The following NCOA2 variants were observed in gnomAD, a reference collection of about 807,000 sequenced individuals.
NCOA2 encodes class E basic helix-loop-helix protein 75.
A neutral mutation model predicts 145.1 loss-of-function variants in NCOA2; 21 were observed. The ratio of observed to expected loss-of-function variants is 0.14; its 90% confidence interval spans 0.10 to 0.21. The LOEUF (loss-of-function observed/expected upper bound fraction) is 0.21, where lower values mean the gene tolerates loss of function less well. NCOA2 is among the 10% of genes least tolerant of loss of function. NCOA2 has a pLI of 1.00. For missense variants in NCOA2, 1,472 were observed against 1,837.6 expected, an observed-to-expected ratio of 0.80 and a Z score of 3.64; for synonymous variants, 619 against 637.5, an observed-to-expected ratio of 0.97 and a Z score of 0.44.
At position 70,205,175 on chromosome 8, in the gene NCOA2, A is replaced by G. The variant is rs533237696; in HGVS notation, c.259+8728T>C. Among the ~76,000 whole-genome samples the G allele has an allele frequency of 2.9e-4, 44 of 152,252 alleles. 1 individual carries two copies. The South Asian group carries it at 8.9e-3, about 31-fold the overall frequency. On this transcript the variant is annotated intron_variant, in intron 4 of 22. Transcript: ENST00000452400. Reference sequence around the variant, plus strand: ...CAGAGATGTCAAAGGAGATGAATTCATATTTGTTTGGAGATTAGAAAGTGT... The same window carrying G: ...CAGAGATGTCAAAGGAGATGAATTCGTATTTGTTTGGAGATTAGAAAGTGT...
At chr8:70,382,147 C>T (rs956846991) in intron 1 of NCOA2, among the ~76,000 whole-genome samples, 32 of 151,906 alleles carry the variant, frequency 2.1e-4, no homozygotes, top group Non-Finnish European at 1.0e-4. Context: ...AATAAGCTAT[C>T]GTAAGGTTAA....
At chr8:70,370,458 C>G (rs1164580191) in intron 1 of NCOA2, among the ~76,000 whole-genome samples, 1 of 152,106 alleles carries the variant, frequency 6.6e-6, no homozygotes, top group African/African-American at 2.4e-5. Context: ...TTTGTGGCAG[C>G]TAAAAGGACT....
intron 13 of NCOA2, among the ~76,000 whole-genome samples, chr8:70,141,681 A>T (rs1189760496): frequency 6.6e-6 from 1 of 152,190 alleles, no homozygotes; most frequent in Admixed American, 6.5e-5. Flanking sequence ...GCGTGTGGAT[A>T]ACCCCAACTT....
At chr8:70,300,713 G>A (rs1586419092) in intron 1 of NCOA2, among the ~76,000 whole-genome samples, 2 of 152,328 alleles carry the variant, frequency 1.3e-5, no homozygotes, top group African/African-American at 4.8e-5. Flanking sequence ...AAACTGGGAA[G>A]AAAATGAAAT....
intron 4 of NCOA2, among the ~76,000 whole-genome samples, chr8:70,207,862 CAAAAAA>C (rs754670876): frequency 1.1e-4 from 4 of 36,188 alleles, no homozygotes; most frequent in Non-Finnish European, 1.6e-4. Context: ...GACTCCACCT[CAAAAAA>C]AAAAAAAAAA....
upstream of NCOA2, among the ~76,000 whole-genome samples, chr8:70,406,657 AG>A (rs1453958049): frequency 6.6e-5 from 10 of 152,236 alleles, no homozygotes; most frequent in African/African-American, 2.4e-4. Context: ...GGAAAAGTAA[AG>A]AAAATGACAA....
chr8:70,248,190 ATAGAG>A (rs1822786952), intron 2 of NCOA2, among the ~76,000 whole-genome samples: 2 of 152,370 alleles, frequency 1.3e-5, no homozygotes, highest in Admixed American at 6.5e-5. Flanking sequence ...CAAGGATTCA[ATAGAG>A]TAATGTTTTC....
chr8:70,239,555 A>G (rs977060177), intron 2 of NCOA2, among the ~76,000 whole-genome samples: 3 of 152,048 alleles, frequency 2.0e-5, no homozygotes, highest in Admixed American at 6.5e-5. Flanking sequence ...GCTTTTCTCC[A>G]TCTCCTTACA....
intron 1 of NCOA2, among the ~76,000 whole-genome samples, chr8:70,328,355 A>G (rs1285334597): frequency 6.6e-6 from 1 of 152,152 alleles, no homozygotes; most frequent in Non-Finnish European, 1.5e-5. Context: ...CTACAAGACA[A>G]TTTGTATGTT....
intron 3 of NCOA2, among the ~76,000 whole-genome samples, chr8:70,215,172 A>G (rs1258926790): frequency 6.6e-6 from 1 of 152,154 alleles, no homozygotes; most frequent in Admixed American, 6.5e-5. Context: ...AGCAAAAGGT[A>G]AAGAGTGGCT....
At chr8:70,425,571 C>A in the NCOA2 span, among the ~76,000 whole-genome samples, 91 of 152,296 alleles carry the variant, frequency 6.0e-4, no homozygotes, top group African/African-American at 2.2e-3. Context: ...TTCCACCCAT[C>A]AGATCCATGA....
chr8:70,331,673 T>C (rs1477313555), intron 1 of NCOA2, among the ~76,000 whole-genome samples: 1 of 152,156 alleles, frequency 6.6e-6, no homozygotes, highest in African/African-American at 2.4e-5. Context: ...AGTCAGACTT[T>C]AGCCAACTTC....
chr8:70,259,865 A>G (rs1432245934), intron 2 of NCOA2, among the ~76,000 whole-genome samples: 1 of 152,250 alleles, frequency 6.6e-6, no homozygotes, highest in Non-Finnish European at 1.5e-5. Context: ...GGGAATCACT[A>G]TGCCATATGT....
the NCOA2 span, among the ~76,000 whole-genome samples, chr8:70,448,344 G>A: frequency 6.6e-6 from 1 of 152,090 alleles, no homozygotes; most frequent in East Asian, 1.9e-4. Context: ...CTGTAGCATG[G>A]CCATGTTGAA....
At chr8:70,349,260 T>C (rs1001548366) in intron 1 of NCOA2, among the ~76,000 whole-genome samples, 3 of 151,882 alleles carry the variant, frequency 2.0e-5, no homozygotes, top group African/African-American at 7.3e-5. Flanking sequence ...ATTACACCCA[T>C]AGATACAGAG....
At chr8:70,233,714 C>T (rs1397211941) in intron 2 of NCOA2, among the ~76,000 whole-genome samples, 1 of 152,186 alleles carries the variant, frequency 6.6e-6, no homozygotes. Flanking sequence ...GCTTTCATGA[C>T]ACAACAATCT....
intron 2 of NCOA2, among the ~76,000 whole-genome samples, chr8:70,221,236 C>T (rs548604296): frequency 6.6e-6 from 1 of 152,148 alleles, no homozygotes; most frequent in African/African-American, 2.4e-5. Context: ...ATACATAAAA[C>T]CTCACTTAAA....
chr8:70,121,600 G>T (rs917785614), intron 21 of NCOA2, among the ~76,000 whole-genome samples: 1 of 152,176 alleles, frequency 6.6e-6, no homozygotes, highest in Non-Finnish European at 1.5e-5. Flanking sequence ...TGAAATACTA[G>T]CTGCCTTCAA....
rs528334095 is a variant in NCOA2, at chr8:70,211,214, A to G, written c.259+2689T>C. ...AGTGGCTCATGCCTGTAATCCCAGCACTTTGGGAGGCCGAGGCAGGCAGAT... is the reference window on the plus strand; with the variant it reads ...AGTGGCTCATGCCTGTAATCCCAGCGCTTTGGGAGGCCGAGGCAGGCAGAT... On this transcript the variant is annotated intron_variant, in intron 4 of 22. Coordinates refer to ENST00000452400, the MANE Select transcript of NCOA2 (RefSeq NM_006540.4). Among the ~76,000 whole-genome samples, 37 of 152,220 alleles carry G rather than the reference A, an allele frequency of 2.4e-4. No individual in the cohort carries two copies. In the East Asian group the frequency reaches 4.4e-3, roughly 18 times the overall value.
Sources: gnomAD v4.1 joint callset for allele counts (sites outside exome capture counted in the v4.1 genomes callset) on GRCh38, gnomAD v4.1.1 for gene constraint, MANE v1.5 for transcripts, NCBI Gene and HGNC (gene_info 2026-07-23, HGNC 2026-07-21) for gene names.